Variants in SLIT3 observed in about 807,000 individuals in gnomAD.
SLIT3 encodes the protein slit homolog 3 protein.
In SLIT3, 68 loss-of-function variants were observed where a neutral mutation model predicts 184.0. The observed-to-expected ratio is 0.37, with a 90% CI of 0.30 to 0.45. SLIT3 has a LOEUF of 0.45. Among genes scored for constraint, SLIT3 ranks in the 20% least tolerant of loss-of-function variants. The probability of loss-of-function intolerance (pLI) is 1.00; values close to 1 mark genes in which losing one functional copy is unlikely to be tolerated. For missense variants in SLIT3, 1,707 were observed against 2,026.0 expected, an observed-to-expected ratio of 0.84 and a Z score of 3.02; for synonymous variants, 831 against 828.6, an observed-to-expected ratio of 1.00 and a Z score of -0.05.
chr5:169,284,021 C>A (rs1274073540), intron 1 of SLIT3, among the ~76,000 whole-genome samples: 1 of 152,078 alleles, frequency 6.6e-6, no homozygotes, highest in Admixed American at 6.5e-5. Flanking sequence ...GGCTTGACAC[C>A]ACAAAGACAA....
In SLIT3 at chr5:168,692,591, C is replaced by G; in HGVS notation, c.3176+16G>C. 6.2e-7 allele frequency: 1 copy of G among 1,600,528 alleles called. No individual in the cohort carries two copies. Among genetic ancestry groups the G allele is most frequent in the South Asian group, 1.1e-5 (1 of 90,278 alleles). Reference sequence around the variant, plus strand: ...TTTCATGGACTCTGTGCTGGGGGCACGAAGCCAGGTCTTACCTGAATCCTT... The same window carrying G: ...TTTCATGGACTCTGTGCTGGGGGCAGGAAGCCAGGTCTTACCTGAATCCTT... On this transcript the variant is annotated intron_variant, in intron 29 of 35. Transcript: ENST00000519560.
intron 1 of SLIT3, among the ~76,000 whole-genome samples, chr5:169,281,949 TAAG>T (rs1264332785): frequency 6.6e-6 from 1 of 152,212 alleles, no homozygotes; most frequent in Non-Finnish European, 1.5e-5. Flanking sequence ...AGCTGGAATC[TAAG>T]AAGAAGAGGT....
chr5:168,897,646 G>GCGCGCGCGCGCGCGCGCACACACACACA, intron 4 of SLIT3, among the ~76,000 whole-genome samples: 136 of 105,430 alleles, frequency 1.3e-3, no homozygotes, highest in South Asian at 1.4e-3. Flanking sequence ...ACAGGTGCAC[G>GCGCGCGCGCGCGCGCGCACACACACACA]TACACACACA....
intron 20 of SLIT3, among the ~76,000 whole-genome samples, chr5:168,745,702 G>A (rs1420230756): frequency 6.6e-6 from 1 of 152,220 alleles, no homozygotes; most frequent in African/African-American, 2.4e-5. Context: ...GTGAGCCACG[G>A]CACCTGACCT....
intron 6 of SLIT3, among the ~76,000 whole-genome samples, chr5:168,831,820 G>C (rs1413756297): frequency 6.6e-6 from 1 of 152,128 alleles, no homozygotes; most frequent in Non-Finnish European, 1.5e-5. Context: ...GCTTGTCTTT[G>C]GTTCTTTTAT....
At chr5:168,857,604 C>T (rs1384987723) in intron 5 of SLIT3, among the ~76,000 whole-genome samples, 2 of 152,072 alleles carry the variant, frequency 1.3e-5, no homozygotes, top group African/African-American at 4.8e-5. Context: ...TAATTCAGTC[C>T]CTGAGTCCTC....
At chr5:169,283,235 C>T (rs1393821434) in intron 1 of SLIT3, among the ~76,000 whole-genome samples, 6 of 152,182 alleles carry the variant, frequency 3.9e-5, no homozygotes, top group African/African-American at 1.4e-4. Flanking sequence ...AATTTGGTTG[C>T]AATCTTATGA....
chr5:168,689,907 C>A lies in SLIT3; in HGVS notation c.3176+2700G>T, dbSNP rs534742334. Among the ~76,000 whole-genome samples, 4 of 152,236 alleles carry A rather than the reference C, an allele frequency of 2.6e-5. No individual in the cohort carries two copies. In the South Asian group the frequency reaches 6.2e-4, roughly 24 times the overall value. On this transcript the variant is annotated intron_variant, in intron 29 of 35. Transcript: ENST00000519560. ...TAATGAAACACTAACATTGAGCTGG[C>A]CTGTAGACCTTTTCAAGATAATGAC...
intron 23 of SLIT3, 86 bp from the exon 24 acceptor site, chr5:168,712,440 C>A: frequency 8.3e-7 from 1 of 1,202,750 alleles, no homozygotes; most frequent in South Asian, 1.2e-5. Context: ...CTGGCCCTGC[C>A]ACCCTTCAGT....
At chr5:169,151,911 C>T (rs763489707) in intron 4 of SLIT3, among the ~76,000 whole-genome samples, 3 of 152,212 alleles carry the variant, frequency 2.0e-5, no homozygotes, top group Non-Finnish European at 4.4e-5. Context: ...AATCATTCTG[C>T]CTTAGTTTCC....
chr5:169,187,111 G>GTTTTTTTTTT (rs761501769), intron 4 of SLIT3, among the ~76,000 whole-genome samples: 1,958 of 94,398 alleles, frequency 0.021, 121 homozygotes, highest in Middle Eastern at 0.047. Context: ...GCAGCTATAG[G>GTTTTTTTTTT]TTTTTTTTTT....
intron 4 of SLIT3, among the ~76,000 whole-genome samples, chr5:169,160,086 C>G (rs1308464861): frequency 6.6e-6 from 1 of 152,208 alleles, no homozygotes; most frequent in South Asian, 2.1e-4. Context: ...AAAAACAAAT[C>G]TCTACCTTGT....
At chr5:168,831,754 A>G (rs1757888997) in intron 6 of SLIT3, among the ~76,000 whole-genome samples, 1 of 152,210 alleles carries the variant, frequency 6.6e-6, no homozygotes, top group South Asian at 2.1e-4. Flanking sequence ...AGAAATAAAT[A>G]AAAACAATCA....
intron 3 of SLIT3, among the ~76,000 whole-genome samples, chr5:169,215,638 G>A (rs937498982): frequency 6.6e-6 from 1 of 152,146 alleles, no homozygotes; most frequent in African/African-American, 2.4e-5. Context: ...GCCAAATTTG[G>A]CCCATGGCTG....
chr5:168,845,625 T>A (rs937506988), intron 5 of SLIT3, among the ~76,000 whole-genome samples: 1 of 145,652 alleles, frequency 6.9e-6, no homozygotes, highest in Non-Finnish European at 1.5e-5. Context: ...GATACCAGGG[T>A]TTTTTTTTTC....
intron 4 of SLIT3, chr5:169,024,984 G>A (rs967074412): frequency 4.6e-5 from 7 of 152,140 alleles, no homozygotes; most frequent in Admixed American, 4.6e-4. Flanking sequence ...TACTTCTCAT[G>A]GGGAAACTGT....
At chr5:169,207,343 T>C (rs555032933) in intron 3 of SLIT3, among the ~76,000 whole-genome samples, 2 of 149,890 alleles carry the variant, frequency 1.3e-5, no homozygotes, top group Admixed American at 6.8e-5. Context: ...TGGACCACTA[T>C]CTTTCTCTGT....
chr5:169,106,195 G>A (rs982656533), intron 4 of SLIT3, among the ~76,000 whole-genome samples: 4 of 152,128 alleles, frequency 2.6e-5, no homozygotes, highest in South Asian at 2.1e-4. Context: ...ACCTGAACCC[G>A]GGAACTTCAA....
intron 8 of SLIT3, 97 bp from the exon 9 acceptor site, chr5:168,806,684 T>C: frequency 2.2e-6 from 3 of 1,393,814 alleles, no homozygotes; most frequent in Non-Finnish European, 3.0e-6. Flanking sequence ...AAGCATGACC[T>C]GACAGCCATC....
Sources: allele counts gnomAD v4.1 joint callset (sites outside exome capture counted in the v4.1 genomes callset), GRCh38; gene constraint gnomAD v4.1.1; transcripts MANE v1.5; gene names NCBI Gene and HGNC (gene_info 2026-07-23, HGNC 2026-07-21).